FMN1: variants seen among roughly 807,000 people sequenced by gnomAD.
FMN1 encodes the protein formin-1.
Under a neutral mutation model 132.4 loss-of-function variants are expected in FMN1, and 110 were observed. The observed-to-expected ratio is 0.83, with a 90% CI of 0.71 to 0.97. FMN1 has a LOEUF of 0.97. Among genes scored for constraint, FMN1 ranks in the 50% least tolerant of loss-of-function variants. The pLI is 0.00. For synonymous variants in FMN1, 722 were observed against 651.7 expected, an observed-to-expected ratio of 1.11 and a Z score of -1.64; for missense variants, 1,792 against 1,705.3, an observed-to-expected ratio of 1.05 and a Z score of -0.90.
chr15:33,068,445 C>G (rs1224327356), intron 5 of FMN1, among the ~76,000 whole-genome samples: 1 of 152,208 alleles, frequency 6.6e-6, no homozygotes, highest in Admixed American at 6.5e-5. Context: ...ACTTCTGACA[C>G]AGGCCTTCTT....
chr15:33,139,452 C>CG (rs35871826), intron 4 of FMN1, among the ~76,000 whole-genome samples: 66,769 of 151,920 alleles, frequency 0.44, 15,906 homozygotes, highest in South Asian at 0.55. Flanking sequence ...AAAAATTAGC[C>CG]GGTGTAGACA....
At chr15:33,149,814 A>G in intron 4 of FMN1, 1 of 984,684 alleles carries the variant, frequency 1.0e-6, no homozygotes. Context: ...AATTGCATCA[A>G]ACCTTAATAT....
intron 4 of FMN1, among the ~76,000 whole-genome samples, chr15:33,128,786 A>C (rs147599896): frequency 6.6e-6 from 1 of 152,364 alleles, no homozygotes; most frequent in African/African-American, 2.4e-5. Context: ...CCAAACGGTG[A>C]GCAGCAGCAA....
In FMN1 at chr15:33,056,562, C is replaced by T. The variant is rs371159095; in HGVS notation, c.2161+8395G>A. On this transcript the variant is annotated intron_variant, in intron 6 of 20. Transcript: ENST00000616417. The stretch of plus-strand genomic sequence containing the variant: ...CAGTGACTGCCACAAGAGTAGGCTA[C>T]AGTCTGTTTACACCTCCATTTGGGT... 4.1e-3 allele frequency among the ~76,000 whole-genome samples: 631 copies of T among 152,306 alleles called. 26 individuals carry two copies. In the South Asian group the frequency reaches 0.085, roughly 20 times the overall value.
chr15:33,066,902 C>T, intron 5 of FMN1: 1 of 1,614,012 alleles, frequency 6.2e-7, no homozygotes, highest in Non-Finnish European at 8.5e-7. Context: ...TTTCTTCTCA[C>T]TCTTCACTGT....
At chr15:32,964,801 G>A (rs981404120) in intron 8 of FMN1, among the ~76,000 whole-genome samples, 17 of 152,120 alleles carry the variant, frequency 1.1e-4, no homozygotes, top group Non-Finnish European at 2.2e-4. Context: ...AACAGGCTGT[G>A]CCTATTTTAA....
intron 18 of FMN1, among the ~76,000 whole-genome samples, chr15:32,801,908 T>C (rs2057494272): frequency 6.6e-6 from 1 of 152,248 alleles, no homozygotes; most frequent in South Asian, 2.1e-4. Flanking sequence ...TGATAAGGCC[T>C]AGACTGTTGT....
intron 6 of FMN1, among the ~76,000 whole-genome samples, chr15:33,058,718 G>C (rs1304267200): frequency 6.6e-6 from 1 of 152,120 alleles, no homozygotes; most frequent in Non-Finnish European, 1.5e-5. Context: ...TTATTGTTCA[G>C]GTCCACTCAC....
intron 6 of FMN1, among the ~76,000 whole-genome samples, chr15:33,019,346 T>C (rs1442790113): frequency 3.3e-5 from 5 of 152,102 alleles, no homozygotes; most frequent in Non-Finnish European, 5.9e-5. Flanking sequence ...AGAGTGCCAA[T>C]TGGTGCATTC....
intron 17 of FMN1, 47 bp downstream of exon 17, chr15:32,856,968 A>T: frequency 7.5e-7 from 1 of 1,332,046 alleles, no homozygotes. Context: ...CATGGAATGA[A>T]GGATGTTTCA....
intron 16 of FMN1, 59 bp downstream of exon 16, chr15:32,888,113 A>G: frequency 6.9e-7 from 1 of 1,455,056 alleles, no homozygotes; most frequent in Non-Finnish European, 9.3e-7. Flanking sequence ...TAATCCTCTT[A>G]AAACATTTTT....
chr15:33,035,328 TTTAG>T (rs1278021529), intron 6 of FMN1, among the ~76,000 whole-genome samples: 2 of 152,228 alleles, frequency 1.3e-5, no homozygotes, highest in East Asian at 1.9e-4. Context: ...AATGCTAAAT[TTTAG>T]TTAGCTACGA....
rs929640284 is a variant in FMN1, at chr15:32,898,877, A to T, written c.3671T>A (p.Leu1224Gln). 1 of 1,597,032 alleles carries T rather than the reference A, an allele frequency of 6.3e-7. No individual in the cohort carries two copies. Among genetic ancestry groups the T allele is most frequent in the African/African-American group, 1.3e-5 (1 of 74,540 alleles). The change falls in exon 15 of 21, where the codon CTG (leucine) becomes CAG (glutamine). Residue 1224 changes from leucine to glutamine, a missense_variant. Coordinates refer to ENST00000616417, the MANE Select transcript of FMN1 (RefSeq NM_001277313.2). ...GTAATACTTAACAACGTAGTCCACC[A>T]GATTAATCCCATTATCCTAGGTTTA... ...DVKSRDNGIN[L>Q]VDYVVKYYLR... is the part of the protein sequence containing the mutation.
At chr15:33,030,058 C>T (rs1286152168) in intron 6 of FMN1, among the ~76,000 whole-genome samples, 2 of 151,974 alleles carry the variant, frequency 1.3e-5, no homozygotes, top group Admixed American at 6.6e-5. Context: ...CTCGGGAGGC[C>T]GAGGCAGGAG....
chr15:33,066,563 A>ACAG, intron 5 of FMN1: 1 of 1,609,818 alleles, frequency 6.2e-7, no homozygotes, highest in Non-Finnish European at 8.5e-7. Context: ...CCGTTCAAAC[A>ACAG]CAGCTCTTAG....
intron 5 of FMN1, among the ~76,000 whole-genome samples, chr15:33,077,933 A>C (rs890077390): frequency 6.6e-6 from 1 of 152,198 alleles, no homozygotes; most frequent in African/African-American, 2.4e-5. Flanking sequence ...CTAAACCACA[A>C]TGAGATACCA....
chr15:32,964,161 T>A lies in FMN1; in HGVS notation c.3084A>T (p.Gln1028His), dbSNP rs769153225. The change falls in exon 9 of 21, where the codon CAA (glutamine) becomes CAT (histidine). Residue 1028 changes from glutamine (Q) to histidine (H), a missense_variant. Physicochemically the swap from Gln to His is conservative, Grantham distance 24. Transcript: ENST00000616417. ...FEYLFSKDTT[Q>H]QKKKPLSETY... ...TCTCTGACAGAGGTTTTTTCTTCTGTTGAGTTGTGTCTTTGGAGAATAAAT... is the reference window on the plus strand; with the variant it reads ...TCTCTGACAGAGGTTTTTTCTTCTGATGAGTTGTGTCTTTGGAGAATAAAT... 1.2e-6 allele frequency: 2 copies of A among 1,613,526 alleles called. No homozygotes were observed. The highest frequency in any genetic ancestry group is 3.3e-5 in the Admixed American group (2 of 60,008).
At chr15:32,867,737 C>T (rs1171953306) in intron 16 of FMN1, among the ~76,000 whole-genome samples, 7 of 152,128 alleles carry the variant, frequency 4.6e-5, no homozygotes, top group African/African-American at 7.2e-5. Context: ...GTGATCTGCC[C>T]GCCTCGGCCT....
At chr15:32,792,027 C>A (rs990590809) in intron 19 of FMN1, among the ~76,000 whole-genome samples, 1 of 152,090 alleles carries the variant, frequency 6.6e-6, no homozygotes, top group South Asian at 2.1e-4. Flanking sequence ...TGAGATTTAC[C>A]TTGGGGAAGG....
Sources: allele counts gnomAD v4.1 joint callset (sites outside exome capture counted in the v4.1 genomes callset), GRCh38; gene constraint gnomAD v4.1.1; transcripts MANE v1.5; gene names NCBI Gene and HGNC (gene_info 2026-07-23, HGNC 2026-07-21).